Variants in MYH10 observed in about 807,000 individuals in gnomAD.
MYH10 encodes myosin-10.
In MYH10, 55 loss-of-function variants were observed where a neutral mutation model predicts 257.8. The observed-to-expected ratio is 0.21, with a 90% CI of 0.17 to 0.27. The LOEUF is 0.27. Ranked by LOEUF, MYH10 falls within the 10% of genes least tolerant of loss-of-function variation. The probability of loss-of-function intolerance (pLI) is 1.00; values close to 1 mark genes in which losing one functional copy is unlikely to be tolerated. For missense variants in MYH10, 1,631 were observed against 2,500.6 expected, an observed-to-expected ratio of 0.65 and a Z score of 7.42; for synonymous variants, 854 against 921.7, an observed-to-expected ratio of 0.93 and a Z score of 1.33.
chr17:8,517,598 C>T (rs556353351), intron 21 of MYH10, among the ~76,000 whole-genome samples: 13 of 152,342 alleles, frequency 8.5e-5, no homozygotes, highest in African/African-American at 2.2e-4. Flanking sequence ...ACTTTTCTCT[C>T]GTTCTCCACC....
At chr17:8,521,337 A>T (rs1184265310) in intron 17 of MYH10, 52 bp from the exon 18 acceptor site, 3 of 1,567,628 alleles carry the variant, frequency 1.9e-6, no homozygotes, top group African/African-American at 2.7e-5. Context: ...ACTCGTTAGC[A>T]GGGAAAGAAA....
At chr17:8,509,291 T>C (rs2081180505) in intron 25 of MYH10, among the ~76,000 whole-genome samples, 1 of 152,254 alleles carries the variant, frequency 6.6e-6, no homozygotes, top group African/African-American at 2.4e-5. Context: ...GCCCAGCGTC[T>C]GGTCTAGGTG....
In MYH10 at chr17:8,506,487, G is replaced by A. The variant is rs765110163; in HGVS notation, c.3217C>T (p.Arg1073Cys). Residue 1073 changes from arginine to cysteine, a missense_variant and splice_region_variant, in exon 27 of 43, where the codon CGC becomes TGC. This residue lies in a region of MYH10 where 169 missense variants were observed against 249.8 expected (regional missense o/e 0.68). Coordinates refer to ENST00000360416, the MANE Select transcript of MYH10 (RefSeq NM_001256012.3). This position sits in a 1 kb window ranked among gnomAD's most constrained non-coding sequence, Gnocchi z 5.0. ...QEVMISDLEE[R>C]LKKEEKTRQE... ...CGAGTCTTTTCTTCCTTCTTTAAGC[G>A]TTCTTTAAGGTAAGACATAAGAAGC... The A allele has an allele frequency of 4.4e-5, 71 of 1,610,362 alleles. No homozygotes were observed. The highest frequency in any genetic ancestry group is 5.4e-5 in the Non-Finnish European group (64 of 1,179,084).
chr17:8,548,392 T>G lies in MYH10; in HGVS notation c.1080A>C (p.Val360=), dbSNP rs1421586014. 1.9e-6 allele frequency: 3 copies of G among 1,607,854 alleles called. No homozygotes were observed. The highest frequency in any genetic ancestry group is 2.5e-6 in the Non-Finnish European group (3 of 1,177,276). The part of the protein sequence containing the change: ...HEEILSMLKV[V]SSVLQFGNIS... The stretch of plus-strand genomic sequence containing the variant: ...TATTTCCAAACTGTAGCACTGAAGA[T>G]ACTACTTTAAGCATTGCTTCATATT... Residue 360 remains valine, a synonymous_variant, in exon 11 of 43, where the codon GTA becomes GTC. Coordinates refer to ENST00000360416, the MANE Select transcript of MYH10 (RefSeq NM_001256012.3).
At chr17:8,491,975 C>T (rs943919405) in intron 34 of MYH10, among the ~76,000 whole-genome samples, 13 of 152,288 alleles carry the variant, frequency 8.5e-5, no homozygotes, top group Admixed American at 2.0e-4. Flanking sequence ...CTACCTGTGA[C>T]GGCAGAACCA....
intron 2 of MYH10, among the ~76,000 whole-genome samples, chr17:8,611,674 C>T (rs562532240): frequency 2.7e-4 from 41 of 152,182 alleles, no homozygotes; most frequent in East Asian, 1.9e-3. Flanking sequence ...ATTAGTTACA[C>T]GGCATTTTAA....
At chr17:8,561,367 G>A in intron 7 of MYH10, 1 of 1,144,358 alleles carries the variant, frequency 8.7e-7, no homozygotes, top group Non-Finnish European at 1.3e-6. Flanking sequence ...ACACAGTGGA[G>A]GCCGCAGCAG....
intron 24 of MYH10, among the ~76,000 whole-genome samples, chr17:8,510,441 G>C (rs893109148): frequency 6.6e-6 from 1 of 152,150 alleles, no homozygotes; most frequent in African/African-American, 2.4e-5. Context: ...GCAAAACATA[G>C]CTTTAAAAAT....
At chr17:8,585,175 A>G (rs112443859) in intron 4 of MYH10, among the ~76,000 whole-genome samples, 1,928 of 145,182 alleles carry the variant, frequency 0.013, 34 homozygotes, top group African/African-American at 0.047. Flanking sequence ...ACATATATAT[A>G]TGTGTGTGTG....
chr17:8,549,845 C>T (rs950748701), intron 9 of MYH10, among the ~76,000 whole-genome samples: 30 of 150,386 alleles, frequency 2.0e-4, no homozygotes, highest in Non-Finnish European at 3.6e-4. Flanking sequence ...ATTGAAAGCT[C>T]GCGCCGCCAC....
At chr17:8,487,700 CT>C in intron 35 of MYH10, 106 bp from the exon 36 acceptor site, 1 of 1,277,718 alleles carries the variant, frequency 7.8e-7, no homozygotes. Flanking sequence ...TGAGTGGAAA[CT>C]TCTGTTACTC....
In MYH10 at chr17:8,492,952, G is replaced by A. The variant is rs758064899; in HGVS notation, c.4282C>T (p.Leu1428Phe). 10 of 1,614,024 alleles carry A rather than the reference G, an allele frequency of 6.2e-6. No individual in the cohort carries two copies. Among genetic ancestry groups the A allele is most frequent in the Non-Finnish European group, 5.9e-6 (7 of 1,180,042 alleles). The change falls in exon 33 of 43, where the codon CTT (leucine) becomes TTT (phenylalanine). Residue 1428 changes from leucine (L) to phenylalanine (F), a missense_variant. Physicochemically the swap from Leu to Phe is conservative, Grantham distance 22 (BLOSUM62 0). Around this residue, in one of 11 missense-constraint regions of MYH10, gnomAD observed 463 missense variants for 621.8 expected, o/e 0.74. Coordinates refer to ENST00000360416, the MANE Select transcript of MYH10 (RefSeq NM_001256012.3). Reference sequence around the variant, plus strand: ...CTCAGGGCCTCCGCGTCCTTCAGAAGCTTCTTCTTGGCTTCTTCCAGACTT... The same window carrying A: ...CTCAGGGCCTCCGCGTCCTTCAGAAACTTCTTCTTGGCTTCTTCCAGACTT... ...IESLEEAKKK[L>F]LKDAEALSQR...
chr17:8,560,783 C>A, intron 7 of MYH10: 1 of 600,106 alleles, frequency 1.7e-6, no homozygotes. Context: ...AAATGCTGGC[C>A]CGACACAAAT....
rs1915620494 is a variant in MYH10 at position 8,490,645 on chromosome 17, T to G, written c.4672-93A>C. On this transcript the variant is annotated intron_variant, in intron 34 of 42. Transcript: ENST00000360416. The surrounding 1 kb of genome is among the most constrained non-coding windows in gnomAD (Gnocchi z 4.1). ...CTGTTTTACAGGCCCACTCGTGGCA[T>G]GCTGGCCACTTTGGTCCCCCTGGGC... The G allele has an allele frequency of 3.0e-6, 4 of 1,326,380 alleles. No individual in the cohort carries two copies. In the South Asian group the frequency reaches 5.0e-5, roughly 17 times the overall value. The allele number at this position is 1,326,380 out of a possible 1,614,324, so 82.2% of individuals were successfully genotyped here.
At chr17:8,519,048 G>A in intron 19 of MYH10, 98 bp from the exon 20 acceptor site, 1 of 840,686 alleles carries the variant, frequency 1.2e-6, no homozygotes, top group Admixed American at 2.6e-5. Context: ...AAAATGTTGG[G>A]TAATACATGT....
At chr17:8,622,264 TCCTCTCTACATTATC>T (rs756561293) in intron 2 of MYH10, among the ~76,000 whole-genome samples, 41 of 152,320 alleles carry the variant, frequency 2.7e-4, no homozygotes, top group South Asian at 6.2e-4. Context: ...CTTACATTTT[TCCTCTCTACATTATC>T]CCTCTCTACA....
At position 8,513,564 on chromosome 17, in the gene MYH10, C is replaced by T. The variant is rs1354922351; in HGVS notation, c.2719G>A (p.Glu907Lys). 1 of 1,614,118 alleles carries T rather than the reference C, an allele frequency of 6.2e-7. No individual in the cohort carries two copies. The highest frequency in any genetic ancestry group is 1.7e-5 in the Admixed American group (1 of 60,026). Residue 907 changes from glutamate (E) to lysine (K), a missense_variant, in exon 23 of 43, where the codon GAG becomes AAG. This residue lies in a region of MYH10 where 116 missense variants were observed against 221.6 expected (regional missense o/e 0.52). Transcript: ENST00000360416. ...TGCTGGTGCTTCCGCTCCATCTCCT[C>T]CAGCTCTCCTTCCACCTTCGTCTGC... ...EKQTKVEGEL[E>K]EMERKHQQLL...
At chr17:8,605,337 T>A (rs1181750624) in intron 2 of MYH10, among the ~76,000 whole-genome samples, 1 of 152,220 alleles carries the variant, frequency 6.6e-6, no homozygotes, top group Non-Finnish European at 1.5e-5. Context: ...TATGAAAAGC[T>A]CGTTAATGCA....
At chr17:8,609,076 G>T (rs758123650) in intron 2 of MYH10, among the ~76,000 whole-genome samples, 1 of 152,224 alleles carries the variant, frequency 6.6e-6, no homozygotes, top group Non-Finnish European at 1.5e-5. Context: ...CTCCCAAAGT[G>T]CTGGGATTAC....
Sources: gnomAD v4.1 joint callset for allele counts (sites outside exome capture counted in the v4.1 genomes callset) on GRCh38, gnomAD v4.1.1 for gene constraint, gnomAD v4.1.1 regional missense constraint, Gnocchi (gnomAD v3.1) non-coding constraint, MANE v1.5 for transcripts, NCBI Gene and HGNC (gene_info 2026-07-23, HGNC 2026-07-21) for gene names.